EML5: variants seen among roughly 807,000 people sequenced by gnomAD.
The protein encoded by EML5 is echinoderm microtubule-associated protein-like 5.
Under a neutral mutation model 250.0 loss-of-function variants are expected in EML5, and 120 were observed. The ratio of observed to expected loss-of-function variants is 0.48; its 90% CI spans 0.41 to 0.56. The LOEUF is 0.56. EML5 is among the 20% of genes least tolerant of loss of function. EML5 has a pLI of 0.00. For missense variants in EML5, 2,006 were observed against 2,437.6 expected (o/e 0.82, Z 3.73); for synonymous variants, 771 against 806.5 (o/e 0.96, Z 0.75).
intron 6 of EML5, among the ~76,000 whole-genome samples, chr14:88,737,414 C>T (rs2093859390): frequency 6.6e-6 from 1 of 152,182 alleles, no homozygotes; most frequent in Non-Finnish European, 1.5e-5. Flanking sequence ...GATCCTGCAG[C>T]AAGTGTGGGA....
Position 88,792,346 on chromosome 14 carries a change from C to T in EML5, c.158G>A (p.Arg53Lys). 1 of 1,567,834 alleles carries T rather than the reference C, an allele frequency of 6.4e-7. No individual in the cohort carries two copies. Among genetic ancestry groups the T allele is most frequent in the East Asian group, 2.4e-5 (1 of 41,830 alleles). Reference sequence around the variant, plus strand: ...GCTGTGGCCCCGGTAGAACTTCTGCCTGTGCTCCCGCGGGCTGTACACCAC... The same window carrying T: ...GCTGTGGCCCCGGTAGAACTTCTGCTTGTGCTCCCGCGGGCTGTACACCAC... Reference protein sequence around the residue: ...VGVVYSPREHRQKFYRGHSDD... With the variant: ...VGVVYSPREHKQKFYRGHSDD... Residue 53 changes from arginine (R) to lysine (K), a missense_variant, in exon 1 of 44, where the codon AGG becomes AAG. Physicochemically the swap from Arg to Lys is conservative, Grantham distance 26 (BLOSUM62 2). Around this residue, in one of 7 missense-constraint regions of EML5, gnomAD observed 162 missense variants for 212.2 expected, o/e 0.76. Coordinates refer to ENST00000554922, the MANE Select transcript of EML5 (RefSeq NM_183387.3). This position sits in a 1 kb window ranked among gnomAD's most constrained non-coding sequence, Gnocchi z 6.9.
intron 2 of EML5, among the ~76,000 whole-genome samples, chr14:88,748,981 G>A (rs1483913571): frequency 3.3e-5 from 5 of 150,446 alleles, no homozygotes; most frequent in African/African-American, 1.2e-4. Context: ...TCTAGAAGGA[G>A]AGAAAAGACA....
intron 37 of EML5, 27 bp from the exon 38 acceptor site, chr14:88,621,328 T>C (rs1482795780): frequency 6.2e-7 from 1 of 1,611,666 alleles, no homozygotes; most frequent in East Asian, 2.2e-5. Context: ...ACCAATACAG[T>C]GAATGTAATA....
At position 88,612,979 on chromosome 14, in the gene EML5, TA is replaced by T. The variant is rs35822845; in HGVS notation, c.*2838del. ...CATTCTCAGGACCAAATTAAACTGC[TA>T]AAAAAAAAAAAAAAGTTCATTGACT... On this transcript the variant is annotated 3_prime_UTR_variant, in exon 44 of 44. Transcript: ENST00000554922. The T allele has an allele frequency of 0.33, 47,468 of 144,310 alleles. 7,980 individuals are homozygous for T. The highest frequency in any genetic ancestry group is 0.5 in the East Asian group (2,458 of 4,954). 8.9% of individuals were successfully genotyped at this position (144,310 alleles called of 1,614,324 possible).
intron 1 of EML5, among the ~76,000 whole-genome samples, chr14:88,760,653 T>A (rs755448068): frequency 1.3e-5 from 2 of 152,190 alleles, no homozygotes. Flanking sequence ...AATTACTTCA[T>A]CTTTCCTATA....
Position 88,727,558 on chromosome 14 carries a change from C to T in EML5, c.1050-880G>A, listed in dbSNP as rs117447998. On this transcript the variant is annotated intron_variant, in intron 7 of 43. Coordinates refer to ENST00000554922, the MANE Select transcript of EML5 (RefSeq NM_183387.3). ...TTGGGATTACAGGCATGCACCACCA[C>T]GCCTGTATTTTGTATTTTTAGTAGA... 7.9e-5 allele frequency among the ~76,000 whole-genome samples: 12 copies of T among 152,060 alleles called. No individual in the cohort carries two copies. In the East Asian group the frequency reaches 2.1e-3, roughly 27 times the overall value.
chr14:88,644,035 C>T (rs529666239), intron 30 of EML5, among the ~76,000 whole-genome samples: 1 of 152,156 alleles, frequency 6.6e-6, no homozygotes, highest in Admixed American at 6.5e-5. Flanking sequence ...CTTCATGAAC[C>T]CTGTACAGTG....
intron 1 of EML5, among the ~76,000 whole-genome samples, chr14:88,790,728 T>C (rs1187672000): frequency 6.6e-6 from 1 of 152,182 alleles, no homozygotes; most frequent in East Asian, 1.9e-4. Context: ...CCTGGTACTT[T>C]GGGAGACCTA....
chr14:88,735,016 G>T (rs139536245), intron 7 of EML5, among the ~76,000 whole-genome samples: 118 of 152,228 alleles, frequency 7.8e-4, no homozygotes, highest in African/African-American at 2.6e-3. Flanking sequence ...TGTGATAACA[G>T]TATTGTGGTG....
chr14:88,641,889 T>C (rs545752366), intron 31 of EML5, among the ~76,000 whole-genome samples: 1 of 152,302 alleles, frequency 6.6e-6, no homozygotes, highest in South Asian at 2.1e-4. Flanking sequence ...TACACATACA[T>C]TCCTTTCTTG....
At chr14:88,653,725 G>T (rs564789970) in intron 27 of EML5, among the ~76,000 whole-genome samples, 1 of 152,048 alleles carries the variant, frequency 6.6e-6, no homozygotes, top group East Asian at 1.9e-4. Context: ...CTTTCACATC[G>T]ATGTTTACCA....
chr14:88,623,351 A>C (rs931027696), intron 36 of EML5: 1 of 152,094 alleles, frequency 6.6e-6, no homozygotes, highest in Non-Finnish European at 1.5e-5. Flanking sequence ...ATGTAAAAAA[A>C]CAATTTTATT....
At chr14:88,731,874 G>C (rs963074903) in intron 7 of EML5, among the ~76,000 whole-genome samples, 1 of 152,158 alleles carries the variant, frequency 6.6e-6, no homozygotes, top group South Asian at 2.1e-4. Flanking sequence ...CTTCTTTTGA[G>C]AAGTGTCTGT....
intron 17 of EML5, 78 bp from the exon 18 acceptor site, chr14:88,688,551 T>G: frequency 7.4e-7 from 1 of 1,347,738 alleles, no homozygotes; most frequent in Non-Finnish European, 1.0e-6. Flanking sequence ...TCTTTTCTAC[T>G]GTTGTTGTTG....
intron 13 of EML5, among the ~76,000 whole-genome samples, chr14:88,703,861 T>C (rs2093265479): frequency 6.6e-6 from 1 of 152,222 alleles, no homozygotes; most frequent in Admixed American, 6.6e-5. Context: ...GAGATGATTA[T>C]CTCTTACATT....
At chr14:88,615,916 A>G in intron 43 of EML5, 62 bp from the exon 44 acceptor site, 1 of 1,548,018 alleles carries the variant, frequency 6.5e-7, no homozygotes, top group Non-Finnish European at 8.8e-7. Context: ...ATAACAGTTT[A>G]ATATTTTTCA....
At chr14:88,674,143 T>C (rs1339648585) in intron 21 of EML5, among the ~76,000 whole-genome samples, 1 of 152,004 alleles carries the variant, frequency 6.6e-6, no homozygotes, top group Non-Finnish European at 1.5e-5. Context: ...GTAGCGCATG[T>C]CTGTAATCTC....
intron 7 of EML5, among the ~76,000 whole-genome samples, chr14:88,735,758 G>A (rs372175904): frequency 2.6e-5 from 4 of 152,224 alleles, no homozygotes; most frequent in Non-Finnish European, 5.9e-5. Context: ...CACAAAACTG[G>A]AGGAAACTAA....
At chr14:88,788,566 T>C (rs540787491) in intron 1 of EML5, among the ~76,000 whole-genome samples, 2 of 151,954 alleles carry the variant, frequency 1.3e-5, no homozygotes, top group African/African-American at 4.8e-5. Context: ...CTAAATTCTA[T>C]ACCTACTTAA....
Sources: allele counts gnomAD v4.1 joint callset (sites outside exome capture counted in the v4.1 genomes callset), GRCh38; gene constraint gnomAD v4.1.1; regional missense constraint gnomAD v4.1.1; non-coding constraint Gnocchi (gnomAD v3.1); transcripts MANE v1.5; gene names NCBI Gene and HGNC (gene_info 2026-07-23, HGNC 2026-07-21).